Variants in MREG observed in about 807,000 individuals in gnomAD.
MREG encodes dilute suppressor protein homolog.
A neutral mutation model predicts 28.5 loss-of-function variants in MREG; 31 were observed. The ratio of observed to expected loss-of-function variants is 1.09; its 90% CI spans 0.82 to 1.47. The LOEUF is 1.47. Ranked by LOEUF, MREG falls within the 40% of genes most tolerant of loss-of-function variation. MREG has a pLI of 0.00. For missense variants in MREG, 256 were observed against 257.4 expected, an observed-to-expected ratio of 0.99 and a Z score of 0.04; for synonymous variants, 106 against 95.2, an observed-to-expected ratio of 1.11 and a Z score of -0.66.
intron 2 of MREG, among the ~76,000 whole-genome samples, chr2:215,947,648 A>G (rs987264482): frequency 4.7e-4 from 71 of 152,326 alleles, no homozygotes; most frequent in African/African-American, 1.7e-3. Context: ...ACACACACAA[A>G]AAAATCTATG....
chr2:215,992,527 C>T (rs1270678036), intron 2 of MREG, among the ~76,000 whole-genome samples: 13 of 152,250 alleles, frequency 8.5e-5, no homozygotes, highest in African/African-American at 2.9e-4. Flanking sequence ...CCCTCTCTCA[C>T]GACTCCTATT....
At chr2:216,026,046 T>G (rs1332362056) in intron 1 of MREG, among the ~76,000 whole-genome samples, 1 of 152,198 alleles carries the variant, frequency 6.6e-6, no homozygotes, top group African/African-American at 2.4e-5. Context: ...CTAGAAGTAC[T>G]GACATATGCT....
chr2:215,958,293 T>TA (rs1246664884), intron 2 of MREG, among the ~76,000 whole-genome samples: 3 of 150,746 alleles, frequency 2.0e-5, no homozygotes, highest in South Asian at 2.1e-4. Context: ...AATAAATAAA[T>TA]AAATAAAATA....
In MREG at chr2:215,996,416, C is replaced by T. The variant is rs1179614819; in HGVS notation, c.145G>A (p.Glu49Lys). The T allele has an allele frequency of 2.5e-6, 4 of 1,613,668 alleles. No individual in the cohort carries two copies. Among genetic ancestry groups the T allele is most frequent in the Non-Finnish European group, 3.4e-6 (4 of 1,179,726 alleles). ...TGGGGCATACTCCATAAATTCTTCT[C>T]ATCATCCCTCACCAGAGTTGCTCCA... ...SFGATLVRDDEKNLWSMPHDV... is the reference protein window; with the variant it reads ...SFGATLVRDDKKNLWSMPHDV... Residue 49 changes from glutamate to lysine, a missense_variant, in exon 2 of 5, where the codon GAG becomes AAG. Coordinates refer to ENST00000263268, the MANE Select transcript of MREG (RefSeq NM_018000.3).
chr2:215,958,684 C>T (rs887960092), intron 2 of MREG, among the ~76,000 whole-genome samples: 3 of 152,228 alleles, frequency 2.0e-5, no homozygotes, highest in Non-Finnish European at 4.4e-5. Context: ...AGCAATCTGC[C>T]TTCTTCAGGC....
chr2:216,017,124 G>A (rs1297317704), upstream of MREG, among the ~76,000 whole-genome samples: 2 of 152,144 alleles, frequency 1.3e-5, no homozygotes, highest in African/African-American at 4.8e-5. Flanking sequence ...GTGTACTTGT[G>A]ATGTAGCATC....
chr2:215,958,949 C>G (rs1231311860), intron 2 of MREG, among the ~76,000 whole-genome samples: 1 of 152,112 alleles, frequency 6.6e-6, no homozygotes. Context: ...GTATTAGTAT[C>G]CCTATTCTGG....
rs373002965 is a variant in MREG at position 216,030,646 on chromosome 2, G to A, written c.-68+2143C>T. 4.7e-4 allele frequency among the ~76,000 whole-genome samples: 72 copies of A among 151,770 alleles called. 1 individual carries two copies. The highest frequency in any genetic ancestry group is 1.6e-3 in the African/African-American group (68 of 41,402). ...GCAACCTCCGCCCCCAGGTTCAAGCGATTCTTGTGCCTCAGCCTGCTAAGT... is the reference window on the plus strand; with the variant it reads ...GCAACCTCCGCCCCCAGGTTCAAGCAATTCTTGTGCCTCAGCCTGCTAAGT... On this transcript the variant is annotated intron_variant, in intron 1 of 3. Transcript: ENST00000420348.
chr2:216,010,660 T>G (rs1242222280), intron 1 of MREG, among the ~76,000 whole-genome samples: 1 of 151,312 alleles, frequency 6.6e-6, no homozygotes, highest in Admixed American at 6.6e-5. Context: ...CCCGGCAGAT[T>G]TCTCTTGTTT....
At chr2:215,961,436 T>G (rs1182926586) in intron 2 of MREG, among the ~76,000 whole-genome samples, 2 of 151,724 alleles carry the variant, frequency 1.3e-5, no homozygotes, top group African/African-American at 4.8e-5. Context: ...GCCTTTTTTG[T>G]TTTTTTTGAG....
intron 1 of MREG, among the ~76,000 whole-genome samples, chr2:216,002,146 G>A (rs1348318729): frequency 2.0e-5 from 3 of 152,190 alleles, no homozygotes; most frequent in Admixed American, 2.0e-4. Flanking sequence ...GCATTTGAGA[G>A]GTGGCTCTGA....
intron 1 of MREG, among the ~76,000 whole-genome samples, chr2:216,025,221 G>T (rs1694577626): frequency 6.6e-6 from 1 of 152,168 alleles, no homozygotes; most frequent in Admixed American, 6.5e-5. Context: ...ATCCTTAGCT[G>T]CCACCCCACT....
At chr2:215,991,749 C>G (rs1432409357) in intron 2 of MREG, among the ~76,000 whole-genome samples, 1 of 152,174 alleles carries the variant, frequency 6.6e-6, no homozygotes, top group African/African-American at 2.4e-5. Flanking sequence ...AACTACCCGT[C>G]AGAAAATACT....
upstream of MREG, among the ~76,000 whole-genome samples, chr2:216,017,826 C>G (rs878966): frequency 6.6e-6 from 1 of 151,760 alleles, no homozygotes; most frequent in South Asian, 2.1e-4. Context: ...GGAAAAAGCA[C>G]AGGCAGGGAG....
chr2:215,966,608 T>A (rs1190800463), intron 2 of MREG, among the ~76,000 whole-genome samples: 2 of 150,834 alleles, frequency 1.3e-5, no homozygotes, highest in Non-Finnish European at 3.0e-5. Context: ...TCCCTTTTTT[T>A]TTTTTTTTTT....
At chr2:215,941,503 T>C (rs1393189389), downstream of MREG, among the ~76,000 whole-genome samples, 1 of 152,192 alleles carries the variant, frequency 6.6e-6, no homozygotes, top group Admixed American at 6.5e-5. Context: ...CCTCAGATTA[T>C]TCATGTACTC....
intron 1 of MREG, among the ~76,000 whole-genome samples, chr2:216,030,275 C>T (rs1694660104): frequency 6.6e-6 from 1 of 152,178 alleles, no homozygotes; most frequent in Admixed American, 6.5e-5. Context: ...GTCCTTGGTG[C>T]TGGTCTGTCT....
At chr2:215,990,376 T>A (rs527432004) in intron 2 of MREG, among the ~76,000 whole-genome samples, 165 of 152,262 alleles carry the variant, frequency 1.1e-3, no homozygotes, top group African/African-American at 3.8e-3. Flanking sequence ...AGGCCTGCCT[T>A]ACAAGAGCTC....
At chr2:216,008,926 C>T (rs1250721541) in intron 1 of MREG, among the ~76,000 whole-genome samples, 2 of 152,210 alleles carry the variant, frequency 1.3e-5, no homozygotes, top group Non-Finnish European at 2.9e-5. Flanking sequence ...CTGCCCCAAG[C>T]GGCGTGACTC....
Sources: gnomAD v4.1 joint callset for allele counts (sites outside exome capture counted in the v4.1 genomes callset) on GRCh38, gnomAD v4.1.1 for gene constraint, MANE v1.5 for transcripts, NCBI Gene and HGNC (gene_info 2026-07-23, HGNC 2026-07-21) for gene names.